Variants in LRP6 observed in about 807,000 individuals in gnomAD.
LRP6 encodes low-density lipoprotein receptor-related protein 6.
In LRP6, 43 loss-of-function variants were observed where a neutral mutation model predicts 184.1. That is an observed-to-expected ratio of 0.23 (90% CI 0.18 to 0.30). LRP6 has a LOEUF of 0.30. LRP6 is among the 10% of genes least tolerant of loss of function. The pLI, the probability that LRP6 is intolerant of heterozygous loss-of-function variation, is 1.00. For missense variants in LRP6, 1,571 were observed against 2,005.3 expected (o/e 0.78, Z 4.14); for synonymous variants, 719 against 684.9 (o/e 1.05, Z -0.78).
At chr12:12,229,406 C>G (rs1190333431) in intron 2 of LRP6, among the ~76,000 whole-genome samples, 1 of 149,612 alleles carries the variant, frequency 6.7e-6, no homozygotes, top group Non-Finnish European at 1.5e-5. Context: ...AGAAGAATAT[C>G]TCACACTGAG....
chr12:12,186,820 A>G (rs955550891), intron 4 of LRP6, 103 bp downstream of exon 4: 2 of 1,012,042 alleles, frequency 2.0e-6, no homozygotes, highest in Non-Finnish European at 3.2e-6. Context: ...CCCGCCAACT[A>G]TCTTTGGATA....
At chr12:12,174,563 C>T (rs1343656715) in intron 7 of LRP6, among the ~76,000 whole-genome samples, 1 of 152,142 alleles carries the variant, frequency 6.6e-6, no homozygotes, top group Non-Finnish European at 1.5e-5. Context: ...ATTAATCTTA[C>T]AAACCAACAG....
intron 2 of LRP6, among the ~76,000 whole-genome samples, chr12:12,212,794 A>G (rs760169282): frequency 6.6e-6 from 1 of 152,152 alleles, no homozygotes; most frequent in African/African-American, 2.4e-5. Flanking sequence ...ATGCTCTATG[A>G]GAACTTCAAC....
chr12:12,164,955 A>AAAAAAT, intron 8 of LRP6, 124 bp downstream of exon 8: 1 of 528,568 alleles, frequency 1.9e-6, no homozygotes. Flanking sequence ...AAAAAAAAAA[A>AAAAAAT]GGCGGGGGGG....
chr12:12,214,338 G>A (rs950597876), intron 2 of LRP6, among the ~76,000 whole-genome samples: 1 of 152,090 alleles, frequency 6.6e-6, no homozygotes, highest in Non-Finnish European at 1.5e-5. Context: ...CTTCCTTTAT[G>A]TTAAACCTAA....
intron 2 of LRP6, among the ~76,000 whole-genome samples, chr12:12,211,893 G>A (rs1253863714): frequency 6.6e-6 from 1 of 152,096 alleles, no homozygotes; most frequent in Non-Finnish European, 1.5e-5. Context: ...GCTAACTCTA[G>A]TAATTTTTCA....
At chr12:12,124,464 C>G (rs1358680123) in intron 22 of LRP6, 101 bp downstream of exon 22, 1 of 814,880 alleles carries the variant, frequency 1.2e-6, no homozygotes, top group Non-Finnish European at 2.2e-6. Flanking sequence ...ACTAGTCTCT[C>G]TCTGGTGACC....
intron 15 of LRP6, chr12:12,138,764 T>C: frequency 1.3e-6 from 2 of 1,495,388 alleles, no homozygotes; most frequent in Non-Finnish European, 1.8e-6. Context: ...GCAGTAAATA[T>C]TCTAGTTCAT....
intron 3 of LRP6, among the ~76,000 whole-genome samples, chr12:12,201,126 G>C (rs1407821823): frequency 6.6e-6 from 1 of 152,212 alleles, no homozygotes; most frequent in East Asian, 1.9e-4. Flanking sequence ...CTAGTAGCTT[G>C]CTTTCTGAGA....
chr12:12,201,219 T>C (rs1863906588), intron 3 of LRP6, among the ~76,000 whole-genome samples: 2 of 152,220 alleles, frequency 1.3e-5, no homozygotes, highest in Admixed American at 1.3e-4. Flanking sequence ...ATTGTCCCTA[T>C]CCTGCTCAAT....
chr12:12,180,028 A>T, intron 6 of LRP6, 47 bp from the exon 7 acceptor site: 1 of 1,495,292 alleles, frequency 6.7e-7, no homozygotes, highest in Non-Finnish European at 9.3e-7. Flanking sequence ...AATAAAATGT[A>T]ACTTTCAGAT....
rs1468657277 is a variant in LRP6, at chr12:12,131,932, C to G, written c.3859G>C (p.Val1287Leu). 6.2e-7 allele frequency: 1 copy of G among 1,614,190 alleles called. No homozygotes were observed. The highest frequency in any genetic ancestry group is 1.1e-5 in the South Asian group (1 of 91,080). ...EDHSDELNCP[V>L]CSESQFQCAS... ...CACTGGAACTGGGACTCTGAGCATA[C>G]AGGACAATTGAGTTCATCACTGTGG... The change falls in exon 18 of 23, where the codon GTA becomes CTA. Residue 1287 changes from valine (V) to leucine (L), a missense_variant. By Grantham distance (32) the Val-to-Leu change is conservative. Coordinates refer to ENST00000261349, the MANE Select transcript of LRP6 (RefSeq NM_002336.3).
chr12:12,204,383 G>T (rs1336876657), intron 2 of LRP6, among the ~76,000 whole-genome samples: 3 of 151,770 alleles, frequency 2.0e-5, no homozygotes, highest in African/African-American at 4.8e-5. Context: ...TTGGACTGAT[G>T]AAGTAGGAAG....
rs1245761111 is a variant in LRP6 at position 12,184,117 on chromosome 12, A to G, written c.845-6T>C. 2 of 1,612,446 alleles carry G rather than the reference A, an allele frequency of 1.2e-6. No homozygotes were observed. The highest frequency in any genetic ancestry group is 2.7e-5 in the African/African-American group (2 of 74,906). ...AATTCCACATGGATTTGTGGCTGTC[A>G]AATATAAATCACATTGATTAATATC... On this transcript the variant is annotated splice_region_variant and splice_polypyrimidine_tract_variant and intron_variant, in intron 4 of 22. Coordinates refer to ENST00000261349, the MANE Select transcript of LRP6 (RefSeq NM_002336.3).
At chr12:12,163,631 C>T (rs1164500165) in intron 9 of LRP6, among the ~76,000 whole-genome samples, 3 of 152,058 alleles carry the variant, frequency 2.0e-5, no homozygotes, top group African/African-American at 4.8e-5. Flanking sequence ...AAGTAAATCA[C>T]GAATTTTTTT....
intron 3 of LRP6, among the ~76,000 whole-genome samples, chr12:12,193,717 C>T (rs1357110358): frequency 6.6e-6 from 1 of 151,956 alleles, no homozygotes; most frequent in East Asian, 1.9e-4. Flanking sequence ...CTACAACAAA[C>T]AAGGAAATTG....
At chr12:12,253,941 C>T (rs112116775) in intron 1 of LRP6, among the ~76,000 whole-genome samples, 3,043 of 151,726 alleles carry the variant, frequency 0.02, 103 homozygotes, top group African/African-American at 0.064. Context: ...CCCAAGAGTT[C>T]GAGACCAGCC....
intron 15 of LRP6, 81 bp from the exon 16 acceptor site, chr12:12,138,615 T>TA (rs1949881227): frequency 7.4e-7 from 1 of 1,349,686 alleles, no homozygotes; most frequent in South Asian, 1.2e-5. Context: ...GACTACCAGT[T>TA]AGATTCTACA....
intron 1 of LRP6, among the ~76,000 whole-genome samples, chr12:12,261,347 G>A: frequency 6.6e-6 from 1 of 150,614 alleles, no homozygotes; most frequent in Non-Finnish European, 1.5e-5. Context: ...AGCTTGTAGT[G>A]AGCTGAGATC....
Sources: gnomAD v4.1 joint callset for allele counts (sites outside exome capture counted in the v4.1 genomes callset) on GRCh38, gnomAD v4.1.1 for gene constraint, MANE v1.5 for transcripts, NCBI Gene and HGNC (gene_info 2026-07-23, HGNC 2026-07-21) for gene names.